The following EBF1 variants were observed in gnomAD, a reference collection of about 807,000 sequenced individuals.
EBF1 encodes EBF transcription factor 1, also known as transcription factor COE1.
In EBF1, 10 loss-of-function variants were observed where a neutral mutation model predicts 68.4. That is an observed-to-expected ratio of 0.15 (90% CI 0.09 to 0.25). The LOEUF (loss-of-function observed/expected upper bound fraction) is 0.25. EBF1 is among the 10% of genes least tolerant of loss of function. The probability of loss-of-function intolerance (pLI) is 1.00; values close to 1 mark genes in which losing one functional copy is unlikely to be tolerated. For missense variants in EBF1, 509 were observed against 794.4 expected, an observed-to-expected ratio of 0.64 and a Z score of 4.32; for synonymous variants, 298 against 299.8, an observed-to-expected ratio of 0.99 and a Z score of 0.06.
At chr5:158,808,527 C>T (rs1782009233) in intron 8 of EBF1, among the ~76,000 whole-genome samples, 1 of 152,112 alleles carries the variant, frequency 6.6e-6, no homozygotes, top group Non-Finnish European at 1.5e-5. Flanking sequence ...CCTCAGCTAG[C>T]CCACATTTCA....
intron 10 of EBF1, among the ~76,000 whole-genome samples, chr5:158,769,986 C>G (rs1773549623): frequency 6.6e-6 from 1 of 152,126 alleles, no homozygotes; most frequent in Non-Finnish European, 1.5e-5. Flanking sequence ...TGAAAACAAT[C>G]TGACAAAAAA....
chr5:158,897,449 A>G (rs1326157839), intron 6 of EBF1, among the ~76,000 whole-genome samples: 2 of 152,160 alleles, frequency 1.3e-5, no homozygotes, highest in African/African-American at 4.8e-5. Flanking sequence ...AGGATGAGGA[A>G]AAATAACTAA....
intron 6 of EBF1, among the ~76,000 whole-genome samples, chr5:158,994,081 C>G (rs2127619061): frequency 6.6e-6 from 1 of 152,268 alleles, no homozygotes; most frequent in South Asian, 2.1e-4. Context: ...GTTCCTGCAC[C>G]TCAGCCAAAC....
At chr5:158,814,596 CAT>C (rs796854231) in intron 8 of EBF1, among the ~76,000 whole-genome samples, 10 of 152,250 alleles carry the variant, frequency 6.6e-5, no homozygotes, top group African/African-American at 2.4e-4. Flanking sequence ...ATCGGTTTCC[CAT>C]GTTATTTCTA....
chr5:159,009,964 C>CA (rs1187301247), intron 6 of EBF1, among the ~76,000 whole-genome samples: 3 of 152,106 alleles, frequency 2.0e-5, no homozygotes, highest in Non-Finnish European at 4.4e-5. Flanking sequence ...ATGACTTACT[C>CA]AAAATCTAAA....
intron 6 of EBF1, among the ~76,000 whole-genome samples, chr5:159,067,337 C>G (rs1384588342): frequency 6.6e-6 from 1 of 152,134 alleles, no homozygotes; most frequent in Admixed American, 6.5e-5. Context: ...GATTAAAAAC[C>G]TACACCACGG....
At chr5:158,924,002 G>C (rs1809027628) in intron 6 of EBF1, among the ~76,000 whole-genome samples, 1 of 152,126 alleles carries the variant, frequency 6.6e-6, no homozygotes, top group South Asian at 2.1e-4. Flanking sequence ...CTAGTTTTAA[G>C]CCCTTGAGAC....
intron 10 of EBF1, among the ~76,000 whole-genome samples, chr5:158,733,097 G>A (rs1764453829): frequency 6.6e-6 from 1 of 152,156 alleles, no homozygotes; most frequent in Non-Finnish European, 1.5e-5. Context: ...AGGCAGGGAA[G>A]CTGCAACTTG....
At chr5:158,969,916 G>GAAAGAAA (rs1208082154) in intron 6 of EBF1, among the ~76,000 whole-genome samples, 8 of 80,096 alleles carry the variant, frequency 1.0e-4, no homozygotes, top group East Asian at 3.9e-4. Flanking sequence ...AAGAAAGAAA[G>GAAAGAAA]AAAAAAAAAA....
chr5:158,823,415 ATTGCATAGCT>A, intron 7 of EBF1, 98 bp from the exon 8 acceptor site: 1 of 1,166,614 alleles, frequency 8.6e-7, no homozygotes, highest in Non-Finnish European at 1.2e-6. Flanking sequence ...GCTGAAGAAA[ATTGCATAGCT>A]ATTTCACATA....
intron 6 of EBF1, among the ~76,000 whole-genome samples, chr5:158,885,301 A>G (rs1022383928): frequency 2.6e-5 from 4 of 152,240 alleles, no homozygotes; most frequent in African/African-American, 9.6e-5. Flanking sequence ...GGAGCCACAT[A>G]AAAGGAAAGG....
chr5:158,911,405 G>GC (rs1805943907), intron 6 of EBF1, among the ~76,000 whole-genome samples: 1 of 152,064 alleles, frequency 6.6e-6, no homozygotes, highest in Non-Finnish European at 1.5e-5. Flanking sequence ...GTTACAGCTA[G>GC]CTACACTAGC....
chr5:158,789,730 G>T (rs1233717015), intron 9 of EBF1, among the ~76,000 whole-genome samples: 1 of 152,140 alleles, frequency 6.6e-6, no homozygotes, highest in Non-Finnish European at 1.5e-5. Flanking sequence ...TTAAAATGTG[G>T]TGACTCTACA....
chr5:158,866,787 A>C (rs1309850989), intron 6 of EBF1, among the ~76,000 whole-genome samples: 1 of 146,042 alleles, frequency 6.8e-6, no homozygotes, highest in Non-Finnish European at 1.5e-5. Flanking sequence ...CCAAACTATA[A>C]ACTATACACT....
At chr5:158,992,917 CTTTTTTTTTTTTT>C (rs148629320) in intron 6 of EBF1, among the ~76,000 whole-genome samples, 2 of 72,842 alleles carry the variant, frequency 2.7e-5, no homozygotes, top group Non-Finnish European at 4.7e-5. Context: ...CTGTTTCTTT[CTTTTTTTTTTTTT>C]TTTTTTTTTT....
intron 6 of EBF1, among the ~76,000 whole-genome samples, chr5:158,921,693 C>T (rs1402604716): frequency 6.6e-6 from 1 of 152,142 alleles, no homozygotes; most frequent in Non-Finnish European, 1.5e-5. Flanking sequence ...TAGAGATGTA[C>T]CAATACTTGT....
chr5:158,982,434 G>A (rs1758081719), intron 6 of EBF1, among the ~76,000 whole-genome samples: 1 of 152,176 alleles, frequency 6.6e-6, no homozygotes, highest in Non-Finnish European at 1.5e-5. Context: ...CAGCCACTGT[G>A]TCAGGCAACG....
chr5:159,085,626 A>T (rs1017221781), intron 4 of EBF1, among the ~76,000 whole-genome samples: 6 of 152,210 alleles, frequency 3.9e-5, no homozygotes, highest in African/African-American at 1.4e-4. Context: ...TAGCTAATTT[A>T]ACACTGTATC....
rs1782776815 is a variant in EBF1, at chr5:159,097,127, C to T, written c.138G>A (p.Gly46=). The T allele has an allele frequency of 6.2e-7, 1 of 1,613,262 alleles. No individual in the cohort carries two copies. Among genetic ancestry groups the T allele is most frequent in the South Asian group, 1.1e-5 (1 of 90,988 alleles). Residue 46 remains glycine (G), a synonymous_variant, in exon 2 of 16, where the codon GGG becomes GGA. Coordinates refer to ENST00000313708, the MANE Select transcript of EBF1 (RefSeq NM_024007.5). ...CAAAGTGAGCCCGGGCCAGACCCAC[C>T]CCGCTGCGGCCAAAGACGCAGAGTT... is the stretch of plus-strand genomic sequence containing the variant. ...VLDANTAAQS[G]VGLARAHFEK...
Sources: allele counts gnomAD v4.1 joint callset (sites outside exome capture counted in the v4.1 genomes callset), GRCh38; gene constraint gnomAD v4.1.1; transcripts MANE v1.5; gene names NCBI Gene and HGNC (gene_info 2026-07-23, HGNC 2026-07-21).